UNC79: variants seen among roughly 807,000 people sequenced by gnomAD.
UNC79 encodes the protein unc-79 subunit of NALCN channel complex.
In UNC79, 37 loss-of-function variants were observed where a neutral mutation model predicts 283.1. The observed-to-expected ratio is 0.13, with a 90% confidence interval of 0.10 to 0.17. The LOEUF (loss-of-function observed/expected upper bound fraction) is 0.17. Among genes scored for constraint, UNC79 ranks in the 10% least tolerant of loss-of-function variants. The pLI, the probability that UNC79 is intolerant of heterozygous loss-of-function variation, is 1.00. For missense variants in UNC79, 2,272 were observed against 3,211.1 expected, an observed-to-expected ratio of 0.71 and a Z score of 7.07; for synonymous variants, 1,107 against 1,200.2, an observed-to-expected ratio of 0.92 and a Z score of 1.61.
At chr14:93,382,180 C>T (rs900139033) in intron 1 of UNC79, among the ~76,000 whole-genome samples, 1 of 152,112 alleles carries the variant, frequency 6.6e-6, no homozygotes, top group African/African-American at 2.4e-5. Flanking sequence ...AGATTTATTA[C>T]TGGCCAAGTG....
intron 48 of UNC79, among the ~76,000 whole-genome samples, chr14:93,705,747 G>A (rs1395073285): frequency 6.6e-6 from 1 of 152,232 alleles, no homozygotes; most frequent in African/African-American, 2.4e-5. Context: ...CATCCAAACC[G>A]GGTCCTGTCT....
intron 34 of UNC79, among the ~76,000 whole-genome samples, chr14:93,644,288 A>G (rs1054842683): frequency 6.6e-6 from 1 of 152,236 alleles, no homozygotes; most frequent in African/African-American, 2.4e-5. Flanking sequence ...TATTTAGTAG[A>G]TAGGACATTA....
intron 1 of UNC79, among the ~76,000 whole-genome samples, chr14:93,336,879 T>C (rs2053588611): frequency 6.6e-6 from 1 of 152,038 alleles, no homozygotes; most frequent in African/African-American, 2.4e-5. Context: ...ATCGCCAGTG[T>C]TGGAAGTGGG....
intron 42 of UNC79, among the ~76,000 whole-genome samples, 188 bp from the exon 46 acceptor site, chr14:93,686,384 C>G (rs1747471481): frequency 6.6e-6 from 1 of 151,512 alleles, no homozygotes; most frequent in Non-Finnish European, 1.5e-5. Context: ...TTCTCTGCCA[C>G]AAACCTTCTA....
chr14:93,354,249 T>C (rs2054038983), intron 1 of UNC79, among the ~76,000 whole-genome samples: 1 of 152,204 alleles, frequency 6.6e-6, no homozygotes, highest in African/African-American at 2.4e-5. Context: ...GCCAAATCCT[T>C]ACAGGCTGTG....
intron 1 of UNC79, among the ~76,000 whole-genome samples, chr14:93,334,263 C>A (rs2053525799): frequency 6.6e-6 from 1 of 152,234 alleles, no homozygotes; most frequent in Non-Finnish European, 1.5e-5. Flanking sequence ...CATCACCTTA[C>A]TTCCTTGAAA....
chr14:93,338,759 A>G (rs937115137), intron 1 of UNC79, among the ~76,000 whole-genome samples: 4 of 152,062 alleles, frequency 2.6e-5, no homozygotes, highest in African/African-American at 9.7e-5. Context: ...AAAGACAAAA[A>G]TTAGCTGGGT....
chr14:93,533,355 C>A (rs2060917003), intron 11 of UNC79, among the ~76,000 whole-genome samples: 1 of 152,184 alleles, frequency 6.6e-6, no homozygotes, highest in Non-Finnish European at 1.5e-5. Context: ...TCTCATATGG[C>A]AACCAATTAT....
Position 93,517,247 on chromosome 14 carries a change from C to G in UNC79, c.899-6731C>G, listed in dbSNP as rs1214018795. ...TTCCTTCTTTCCTTCCTTCCTTTCT[C>G]TTTCTTTTTCTCCTCTTTTCCTTTT... is the stretch of plus-strand genomic sequence containing the variant. On this transcript the variant is annotated intron_variant, in intron 7 of 48. Coordinates refer to ENST00000555664, the Ensembl canonical transcript of UNC79. Among the ~76,000 whole-genome samples the G allele has an allele frequency of 2.0e-5, 3 of 147,212 alleles. No individual in the cohort carries two copies. In the East Asian group the frequency reaches 5.9e-4, roughly 29 times the overall value.
intron 29 of UNC79, chr14:93,620,938 T>C (rs2067086360): frequency 3.9e-6 from 2 of 518,802 alleles, no homozygotes; most frequent in Non-Finnish European, 7.7e-6. Context: ...ATACACCTAC[T>C]GGACCCTGCA....
At chr14:93,336,710 A>T (rs11627102) in intron 1 of UNC79, among the ~76,000 whole-genome samples, 1 of 152,200 alleles carries the variant, frequency 6.6e-6, no homozygotes, top group African/African-American at 2.4e-5. Flanking sequence ...GAAAATATTC[A>T]TTGCCTTGGG....
In UNC79 at chr14:93,612,485, G is replaced by T. The variant is rs547345795; in HGVS notation, c.3755-312G>T. 3.9e-5 allele frequency among the ~76,000 whole-genome samples: 6 copies of T among 152,234 alleles called. No individual in the cohort carries two copies. The East Asian group carries it at 1.2e-3, about 29-fold the overall frequency. On this transcript the variant is annotated intron_variant, in intron 26 of 48. Coordinates refer to ENST00000555664, the Ensembl canonical transcript of UNC79. ...ACTTTGCCAACATATTAAAAAATTTGCTAAATGCAAAATTTATGTAGGCAT... is the reference window on the plus strand; with the variant it reads ...ACTTTGCCAACATATTAAAAAATTTTCTAAATGCAAAATTTATGTAGGCAT...
exon 29 of UNC79, chr14:93,618,204 G>A: frequency 3.7e-6 from 6 of 1,613,088 alleles, no homozygotes; most frequent in Non-Finnish European, 5.1e-6. Context: ...TCCATACCGA[G>A]ACTGTGATAT....
chr14:93,583,318 A>C (rs1198435039), intron 20 of UNC79, among the ~76,000 whole-genome samples: 1 of 135,930 alleles, frequency 7.4e-6, no homozygotes, highest in East Asian at 2.0e-4. Flanking sequence ...AACTCTGCTC[A>C]AAAAAAAAAA....
intron 4 of UNC79, among the ~76,000 whole-genome samples, chr14:93,480,568 ATTG>A (rs1345042802): frequency 6.6e-6 from 1 of 152,166 alleles, no homozygotes; most frequent in Admixed American, 6.5e-5. Context: ...TTGAAAATAA[ATTG>A]TAATACCAAC....
intron 1 of UNC79, among the ~76,000 whole-genome samples, chr14:93,388,342 G>A (rs939207953): frequency 6.6e-6 from 1 of 152,092 alleles, no homozygotes; most frequent in African/African-American, 2.4e-5. Context: ...TGATGGACAT[G>A]CATACCCTTC....
intron 1 of UNC79, among the ~76,000 whole-genome samples, chr14:93,375,567 A>G (rs2139975800): frequency 6.6e-6 from 1 of 152,292 alleles, no homozygotes; most frequent in East Asian, 1.9e-4. Flanking sequence ...ATTGGCTCAC[A>G]GTTCTGCAGG....
intron 47 of UNC79, among the ~76,000 whole-genome samples, chr14:93,700,095 T>G (rs2075418856): frequency 6.6e-6 from 1 of 151,756 alleles, no homozygotes; most frequent in Non-Finnish European, 1.5e-5. Flanking sequence ...TTTCAATACT[T>G]TAAAGATATT....
At chr14:93,366,131 C>T (rs1054783787) in intron 1 of UNC79, among the ~76,000 whole-genome samples, 7 of 152,160 alleles carry the variant, frequency 4.6e-5, no homozygotes, top group Admixed American at 6.6e-5. Flanking sequence ...ACTATACCTA[C>T]CCAAAGTAAC....
Sources: gnomAD v4.1 joint callset for allele counts (sites outside exome capture counted in the v4.1 genomes callset) on GRCh38, gnomAD v4.1.1 for gene constraint, MANE v1.5 for transcripts, NCBI Gene and HGNC (gene_info 2026-07-23, HGNC 2026-07-21) for gene names.